The following ABLIM1 variants were observed in gnomAD, a reference collection of about 807,000 sequenced individuals.
The protein encoded by ABLIM1 is actin-binding LIM protein 1.
ABLIM1 carries 40 observed loss-of-function variants against 107.0 expected under a neutral mutation model. The ratio of observed to expected loss-of-function variants is 0.37; its 90% CI spans 0.29 to 0.49. The LOEUF (loss-of-function observed/expected upper bound fraction) is 0.49. ABLIM1 is among the 20% of genes least tolerant of loss of function. ABLIM1 has a pLI of 0.97. For missense variants in ABLIM1, 857 were observed against 1,008.5 expected, an observed-to-expected ratio of 0.85 and a Z score of 2.04; for synonymous variants, 357 against 357.3, an observed-to-expected ratio of 1.00 and a Z score of 0.01.
chr10:114,581,882 TAA>T (rs1165216966), intron 2 of ABLIM1, among the ~76,000 whole-genome samples: 1 of 152,004 alleles, frequency 6.6e-6, no homozygotes, highest in African/African-American at 2.4e-5. Flanking sequence ...TTCAAAATAA[TAA>T]GAGTTGTCTA....
intron 1 of ABLIM1, among the ~76,000 whole-genome samples, chr10:114,721,215 G>A (rs1457147190): frequency 1.3e-5 from 2 of 152,144 alleles, no homozygotes; most frequent in African/African-American, 2.4e-5. Context: ...TGATCCCTTT[G>A]GGGGCAGCTT....
At chr10:114,636,837 A>C (rs1370588125) in intron 1 of ABLIM1, among the ~76,000 whole-genome samples, 1 of 152,090 alleles carries the variant, frequency 6.6e-6, no homozygotes, top group Non-Finnish European at 1.5e-5. Context: ...GTTTGAGACC[A>C]GCCTGGCCAA....
the ABLIM1 span, among the ~76,000 whole-genome samples, chr10:114,798,557 C>CCCA: frequency 3.3e-5 from 1 of 30,026 alleles, no homozygotes; most frequent in East Asian, 8.8e-4. Context: ...GATGATGAGA[C>CCCA]CCCCCCCCCA....
chr10:114,521,723 T>A (rs1179423570), intron 6 of ABLIM1, among the ~76,000 whole-genome samples: 1 of 152,020 alleles, frequency 6.6e-6, no homozygotes, highest in South Asian at 2.1e-4. Flanking sequence ...CTTCTATCCA[T>A]CCACTCATCC....
chr10:114,590,736 T>C (rs7918683), intron 2 of ABLIM1, among the ~76,000 whole-genome samples: 11,679 of 152,144 alleles, frequency 0.077, 1,514 homozygotes, highest in African/African-American at 0.27. Flanking sequence ...TAGTGGGACA[T>C]TGGGGACCTA....
rs2078025966 is a variant in ABLIM1 at position 114,629,439 on chromosome 10, G to T, written c.245-27478C>A. Among the ~76,000 whole-genome samples, 1 of 152,204 alleles carries T rather than the reference G, an allele frequency of 6.6e-6. No individual in the cohort carries two copies. The highest frequency in any genetic ancestry group is 2.4e-5 in the African/African-American group (1 of 41,450). ...ATTGGAGAAGTTTCTGAATCAAGAA[G>T]GCACAGGTTCCTGTTCCTGCTCTGA... On this transcript the variant is annotated intron_variant, in intron 1 of 22. Coordinates refer to ENST00000533213, the MANE Select transcript of ABLIM1 (RefSeq NM_002313.7). This position sits in a 1 kb window ranked among gnomAD's most constrained non-coding sequence, Gnocchi z 4.0.
intron 1 of ABLIM1, among the ~76,000 whole-genome samples, chr10:114,657,429 G>A (rs1046845303): frequency 6.6e-6 from 1 of 152,182 alleles, no homozygotes; most frequent in Non-Finnish European, 1.5e-5. Flanking sequence ...TGAGTGACAC[G>A]TTTTAATGAG....
At chr10:114,688,354 C>T (rs1479485062), upstream of ABLIM1, among the ~76,000 whole-genome samples, 5 of 151,696 alleles carry the variant, frequency 3.3e-5, no homozygotes, top group Non-Finnish European at 5.9e-5. Flanking sequence ...CTCATGTAAT[C>T]AAGAAACGTC....
chr10:114,730,651 C>A (rs553426642), intron 1 of ABLIM1, among the ~76,000 whole-genome samples: 2 of 152,054 alleles, frequency 1.3e-5, no homozygotes, highest in African/African-American at 4.8e-5. Flanking sequence ...ACTTTCTCAT[C>A]GACTTTGTTT....
At chr10:114,442,627 C>T (rs1403881902) in intron 17 of ABLIM1, among the ~76,000 whole-genome samples, 2 of 152,162 alleles carry the variant, frequency 1.3e-5, no homozygotes, top group East Asian at 1.9e-4. Flanking sequence ...GTGTGGGCTC[C>T]GGGGTTATAA....
chr10:114,488,033 CACT>C lies in ABLIM1; in HGVS notation c.983-20_983-18del, dbSNP rs747941684. The stretch of plus-strand genomic sequence containing the variant: ...CGGTGGAGCCTGAGAAGACAGAATG[CACT>C]ACTAAGAGCCAGGAAAATGGAAAGA... On this transcript the variant is annotated intron_variant, in intron 7 of 22. Transcript: ENST00000533213. 1.9e-6 allele frequency: 3 copies of C among 1,613,998 alleles called. No homozygotes were observed. Among genetic ancestry groups the C allele is most frequent in the Non-Finnish European group, 2.5e-6 (3 of 1,179,898 alleles).
chr10:114,631,466 C>A (rs1454415048), intron 1 of ABLIM1, among the ~76,000 whole-genome samples: 1 of 152,100 alleles, frequency 6.6e-6, no homozygotes, highest in East Asian at 1.9e-4. Context: ...CCGGATCTAG[C>A]GAGGCCTGGG....
At chr10:114,534,777 G>GA (rs142873046) in intron 6 of ABLIM1, among the ~76,000 whole-genome samples, 3,292 of 152,052 alleles carry the variant, frequency 0.022, 133 homozygotes, top group African/African-American at 0.075. Flanking sequence ...AAATAATGCT[G>GA]AAAAAAACAA....
chr10:114,655,556 A>T (rs1432929403), intron 1 of ABLIM1, among the ~76,000 whole-genome samples: 1 of 152,192 alleles, frequency 6.6e-6, no homozygotes, highest in Non-Finnish European at 1.5e-5. Flanking sequence ...CTCCAGCAGA[A>T]ATCTACATGT....
chr10:114,454,358 C>T (rs186580768), intron 12 of ABLIM1, among the ~76,000 whole-genome samples: 1,801 of 152,198 alleles, frequency 0.012, 40 homozygotes, highest in African/African-American at 0.041. Context: ...ATGAAGGTGA[C>T]ACCAATTCTT....
At chr10:114,567,369 G>A (rs918377207) in intron 4 of ABLIM1, among the ~76,000 whole-genome samples, 17 of 152,216 alleles carry the variant, frequency 1.1e-4, no homozygotes, top group Non-Finnish European at 8.8e-5. Flanking sequence ...CTTCTTCTCT[G>A]AAAAGGGGAT....
At position 114,762,199 on chromosome 10, in the gene ABLIM1, A is replaced by T. The variant is rs1566314651; in HGVS notation, c.-213+5862T>A. Among the ~76,000 whole-genome samples the T allele has an allele frequency of 2.6e-5, 4 of 151,866 alleles. No individual in the cohort carries two copies. In the South Asian group the frequency reaches 6.2e-4, roughly 24 times the overall value. ...AGGCGCCCGCCACCACGCCCAGCTA[A>T]TTTTTTTTATTTTTTAGTAGAGATG... On this transcript the variant is annotated intron_variant, in intron 1 of 15. Transcript: ENST00000651092.
intron 8 of ABLIM1, among the ~76,000 whole-genome samples, chr10:114,482,687 TAGTTAC>T (rs2057558289): frequency 1.3e-5 from 2 of 152,192 alleles, no homozygotes; most frequent in South Asian, 2.1e-4. Context: ...ACTTCATTGA[TAGTTAC>T]AGCTGGATAA....
At chr10:114,680,272 A>G (rs142271512) in intron 1 of ABLIM1, among the ~76,000 whole-genome samples, 249 of 152,214 alleles carry the variant, frequency 1.6e-3, no homozygotes, top group African/African-American at 5.3e-3. Flanking sequence ...TGTTATCTCT[A>G]TTTTACAGAT....
Sources: gnomAD v4.1 joint callset for allele counts (sites outside exome capture counted in the v4.1 genomes callset) on GRCh38, gnomAD v4.1.1 for gene constraint, Gnocchi (gnomAD v3.1) non-coding constraint, MANE v1.5 for transcripts, NCBI Gene and HGNC (gene_info 2026-07-23, HGNC 2026-07-21) for gene names.